Variants in XPA observed in about 807,000 individuals in gnomAD.
XPA encodes the protein DNA repair protein complementing XP-A cells.
Under a neutral mutation model 35.7 loss-of-function variants are expected in XPA, and 27 were observed. The ratio of observed to expected loss-of-function variants is 0.76; its 90% CI spans 0.56 to 1.04. XPA has a LOEUF of 1.04. Ranked by LOEUF, XPA falls within the 50% of genes least tolerant of loss-of-function variation. XPA has a pLI of 0.00. For missense variants in XPA, 354 were observed against 342.7 expected (o/e 1.03, Z -0.26); for synonymous variants, 133 against 118.4 (o/e 1.12, Z -0.80).
chr9:97,679,763 G>A (rs1362941217), intron 5 of XPA, among the ~76,000 whole-genome samples: 1 of 152,140 alleles, frequency 6.6e-6, no homozygotes, highest in African/African-American at 2.4e-5. Context: ...AGGATAAAGG[G>A]TACCTTTACA....
chr9:97,693,143 A>G (rs1828942574), intron 2 of XPA, among the ~76,000 whole-genome samples: 1 of 151,924 alleles, frequency 6.6e-6, no homozygotes, highest in Non-Finnish European at 1.5e-5. Flanking sequence ...TTTCCCAAAG[A>G]GTGTGAAAGT....
chr9:97,680,908 G>A (rs1828520545), intron 5 of XPA, among the ~76,000 whole-genome samples: 2 of 152,152 alleles, frequency 1.3e-5, no homozygotes, highest in South Asian at 4.1e-4. Context: ...CAAAACAGTG[G>A]TTTACCACGT....
intron 2 of XPA, among the ~76,000 whole-genome samples, chr9:97,693,120 G>A (rs1024606433): frequency 6.6e-6 from 1 of 150,650 alleles, no homozygotes; most frequent in African/African-American, 2.4e-5. Context: ...AACAAATAAA[G>A]TGTTTCTATC....
downstream of XPA, among the ~76,000 whole-genome samples, chr9:97,670,849 T>C (rs1046357578): frequency 1.3e-5 from 2 of 152,252 alleles, no homozygotes; most frequent in African/African-American, 2.4e-5. Flanking sequence ...TCTGTTTACA[T>C]AGAAGTTGGT....
chr9:97,689,421 A>G, intron 3 of XPA, 113 bp downstream of exon 3: 1 of 751,048 alleles, frequency 1.3e-6, no homozygotes, highest in Non-Finnish European at 2.3e-6. Flanking sequence ...GGAAACACCC[A>G]AAATGAAATT....
chr9:97,668,178 C>G, the XPA span, among the ~76,000 whole-genome samples: 1 of 152,324 alleles, frequency 6.6e-6, no homozygotes, highest in South Asian at 2.1e-4. Flanking sequence ...GAGCCACGTT[C>G]TGGCTCTGCC....
At chr9:97,665,750 G>A in the XPA span, among the ~76,000 whole-genome samples, 1 of 147,658 alleles carries the variant, frequency 6.8e-6, no homozygotes. Flanking sequence ...CACCGACTTC[G>A]CCCCACCCAC....
intron 5 of XPA, among the ~76,000 whole-genome samples, chr9:97,681,924 T>C (rs772787629): frequency 8.5e-5 from 13 of 152,160 alleles, no homozygotes; most frequent in Non-Finnish European, 1.6e-4. Flanking sequence ...ATACTCTCTA[T>C]CGGTCCTTTG....
chr9:97,676,059 C>CCTG, intron 5 of XPA: 1 of 178,266 alleles, frequency 5.6e-6, no homozygotes, highest in Admixed American at 5.5e-5. Context: ...AAGTAGAGAA[C>CCTG]TCTACCACTA....
chr9:97,681,925 C>T (rs762636130), intron 5 of XPA, among the ~76,000 whole-genome samples: 3 of 152,110 alleles, frequency 2.0e-5, no homozygotes, highest in Non-Finnish European at 2.9e-5. Context: ...TACTCTCTAT[C>T]GGTCCTTTGA....
intron 5 of XPA, among the ~76,000 whole-genome samples, chr9:97,683,770 TACA>T (rs1398694190): frequency 6.6e-6 from 1 of 152,200 alleles, no homozygotes; most frequent in Non-Finnish European, 1.5e-5. Context: ...TGAGAAGGAT[TACA>T]ACAACTTGTG....
chr9:97,679,885 A>G (rs1463950108), intron 5 of XPA, among the ~76,000 whole-genome samples: 1 of 152,212 alleles, frequency 6.6e-6, no homozygotes. Flanking sequence ...CATCACCTTG[A>G]AAGTATTCCT....
chr9:97,688,738 CCTCT>C (rs1439316949), intron 3 of XPA, among the ~76,000 whole-genome samples: 4 of 152,178 alleles, frequency 2.6e-5, no homozygotes, highest in Non-Finnish European at 5.9e-5. Flanking sequence ...ACCACATCTC[CCTCT>C]CTATCTACCA....
chr9:97,689,412 G>GA lies in XPA; in HGVS notation c.389+121dup, dbSNP rs2131399698. On this transcript the variant is annotated intron_variant, in intron 3 of 5. Coordinates refer to ENST00000375128, the MANE Select transcript of XPA (RefSeq NM_000380.4). ...AAAATAGAAACCATAGAAATTTTAGGAAACACCCAAAATGAAATTCATAAT... is the reference window on the plus strand; with the variant it reads ...AAAATAGAAACCATAGAAATTTTAGGAAAACACCCAAAATGAAATTCATAAT... The GA allele has an allele frequency of 1.4e-5, 10 of 719,938 alleles. No homozygotes were observed. The South Asian group carries it at 1.5e-4, about 11-fold the overall frequency. The allele number at this position is 719,938 out of a possible 1,614,324, so 44.6% of individuals were successfully genotyped here.
At chr9:97,673,366 CTT>C (rs1828255132), downstream of XPA, 1 of 152,310 alleles carries the variant, frequency 6.6e-6, no homozygotes, top group East Asian at 1.9e-4. Flanking sequence ...GGATTGGTAA[CTT>C]TGACTCAAAA....
At chr9:97,669,781 C>T in the XPA span, 1 of 1,104,204 alleles carries the variant, frequency 9.1e-7, no homozygotes, top group Non-Finnish European at 1.4e-6. Flanking sequence ...AAATCCTTGT[C>T]AAATTTGTTA....
chr9:97,679,466 A>G (rs1297194938), intron 5 of XPA, among the ~76,000 whole-genome samples: 9 of 152,208 alleles, frequency 5.9e-5, no homozygotes, highest in Non-Finnish European at 1.2e-4. Flanking sequence ...ATTTTGGACA[A>G]TTTCAACACC....
downstream of XPA, chr9:97,670,156 C>T (rs181556142): frequency 3.3e-5 from 8 of 244,950 alleles, no homozygotes; most frequent in East Asian, 9.0e-5. Flanking sequence ...CTCCTGACCT[C>T]AGGAGGCCTC....
chr9:97,687,029 A>G, intron 4 of XPA, 67 bp downstream of exon 4: 2 of 1,530,530 alleles, frequency 1.3e-6, no homozygotes, highest in African/African-American at 1.4e-5. Flanking sequence ...AAGCCAAACC[A>G]ATTATGACTA....
Sources: gnomAD v4.1 joint callset for allele counts (sites outside exome capture counted in the v4.1 genomes callset) on GRCh38, gnomAD v4.1.1 for gene constraint, MANE v1.5 for transcripts, NCBI Gene and HGNC (gene_info 2026-07-23, HGNC 2026-07-21) for gene names.